The following PXYLP1 variants were observed in gnomAD, a reference collection of about 807,000 sequenced individuals.
PXYLP1 encodes the protein 2-phosphoxylose phosphatase 1.
A neutral mutation model predicts 37.9 loss-of-function variants in PXYLP1; 17 were observed. The observed-to-expected ratio is 0.45, with a 90% CI of 0.31 to 0.67. The LOEUF (loss-of-function observed/expected upper bound fraction) is 0.67. Among genes scored for constraint, PXYLP1 ranks in the 30% least tolerant of loss-of-function variants. The probability of loss-of-function intolerance (pLI) is 0.07; values close to 1 mark genes in which losing one functional copy is unlikely to be tolerated. For synonymous variants in PXYLP1, 221 were observed against 232.2 expected (o/e 0.95, Z 0.44); for missense variants, 511 against 612.0 (o/e 0.84, Z 1.74).
Position 141,278,486 on chromosome 3 carries a change from A to T in PXYLP1, c.224A>T (p.Glu75Val). The T allele has an allele frequency of 6.2e-7, 1 of 1,614,158 alleles. No homozygotes were observed. The highest frequency in any genetic ancestry group is 8.5e-7 in the Non-Finnish European group (1 of 1,180,012). ...TACTGCAACATCCCCAGCGTGGCCG[A>T]GCGCAGCATGGAAGGTAGGCCTGAC... ...LLYCNIPSVA[E>V]RSMEGHAPHH... Residue 75 changes from glutamate (E) to valine (V), a missense_variant, in exon 3 of 6, where the codon GAG (glutamate) becomes GTG (valine). Physicochemically the swap from Glu to Val is moderately radical, Grantham distance 121. Transcript: ENST00000286353.
chr3:141,262,176 G>T, intron 2 of PXYLP1: 1 of 613,358 alleles, frequency 1.6e-6, no homozygotes, highest in Non-Finnish European at 2.0e-6. Flanking sequence ...ATATTTCCAT[G>T]TACATGCATA....
chr3:141,253,299 A>G (rs1559883503), intron 1 of PXYLP1, among the ~76,000 whole-genome samples: 1 of 152,136 alleles, frequency 6.6e-6, no homozygotes, highest in African/African-American at 2.4e-5. Flanking sequence ...AGACCCAGAC[A>G]TGGCAGGGGC....
At position 141,248,756 on chromosome 3, in the gene PXYLP1, TATAC is replaced by T. The variant is rs1434165525; in HGVS notation, c.-53-11365_-53-11362del. Reference sequence around the variant, plus strand: ...ACGTGTATATATACACACGTATATATATACACACACGTGTATATATACACACGTA... The same window carrying T: ...ACGTGTATATATACACACGTATATATACACACGTGTATATATACACACGTA... On this transcript the variant is annotated intron_variant, in intron 1 of 5. Coordinates refer to ENST00000286353, the MANE Select transcript of PXYLP1 (RefSeq NM_001037172.3). 1.9e-3 allele frequency among the ~76,000 whole-genome samples: 86 copies of T among 46,392 alleles called. 10 individuals are homozygous for T. The South Asian group carries it at 0.033, about 18-fold the overall frequency. 30.4% of individuals were successfully genotyped at this position (46,392 alleles called of 152,430 possible).
At chr3:141,233,348 C>G (rs1481394004) in intron 1 of PXYLP1, among the ~76,000 whole-genome samples, 1 of 151,894 alleles carries the variant, frequency 6.6e-6, no homozygotes, top group Non-Finnish European at 1.5e-5. Flanking sequence ...ACCTGTAATC[C>G]CAGCTACTCA....
rs1033828864 is a variant in PXYLP1 at position 141,262,458 on chromosome 3, C to T, written c.79+2204C>T. 16 of 714,354 alleles carry T rather than the reference C, an allele frequency of 2.2e-5. No homozygotes were observed. In the African/African-American group the frequency reaches 2.8e-4, roughly 12 times the overall value. 44.3% of individuals were successfully genotyped at this position (714,354 alleles called of 1,614,324 possible). A position where few individuals can be genotyped will look rare whatever the true frequency, so the allele number is the denominator to read the frequency against. On this transcript the variant is annotated intron_variant, in intron 2 of 5. Coordinates refer to ENST00000286353, the MANE Select transcript of PXYLP1 (RefSeq NM_001037172.3). ...TTTTATTTTGAGAGGCTGACAGGTT[C>T]TGAGACATGAATGTGTGTTACTTGT...
At chr3:141,271,992 C>A (rs948844726) in intron 2 of PXYLP1, among the ~76,000 whole-genome samples, 1 of 152,164 alleles carries the variant, frequency 6.6e-6, no homozygotes, top group African/African-American at 2.4e-5. Context: ...TCATTGTGCT[C>A]CATTAAAGTC....
intron 5 of PXYLP1, among the ~76,000 whole-genome samples, chr3:141,289,276 C>CAAAAAAAA (rs112480371): frequency 0.14 from 20,917 of 151,142 alleles, 1,987 homozygotes; most frequent in African/African-American, 0.27. Context: ...GTTCTAGACA[C>CAAAAAAAA]AAAAACAGAA....
chr3:141,248,596 T>TATATATACACACAC (rs1941030956), intron 1 of PXYLP1, among the ~76,000 whole-genome samples: 2 of 37,252 alleles, frequency 5.4e-5, no homozygotes, highest in African/African-American at 4.0e-4. Flanking sequence ...TACACACACG[T>TATATATACACACAC]GTATATATAC....
intron 1 of PXYLP1, among the ~76,000 whole-genome samples, chr3:141,255,592 C>T (rs375103515): frequency 3.3e-5 from 5 of 152,238 alleles, no homozygotes; most frequent in Admixed American, 2.0e-4. Context: ...GTGGGGGTCC[C>T]GCTCTGGGCT....
At chr3:141,275,391 G>A (rs1413799529) in intron 2 of PXYLP1, among the ~76,000 whole-genome samples, 1 of 152,202 alleles carries the variant, frequency 6.6e-6, no homozygotes, top group Non-Finnish European at 1.5e-5. Flanking sequence ...GTCCTCACCT[G>A]TGCCCCTCCA....
In PXYLP1 at chr3:141,278,158, G is replaced by A. The variant is rs556250115; in HGVS notation, c.80-184G>A. 2.0e-5 allele frequency among the ~76,000 whole-genome samples: 3 copies of A among 152,310 alleles called. No individual in the cohort carries two copies. The East Asian group carries it at 5.8e-4, about 29-fold the overall frequency. ...AGAGGGTAGTGGCAGTGACGAAGGG[G>A]CAGGACACAGTGGGGCTCAGAAGCC... On this transcript the variant is annotated intron_variant, in intron 2 of 5. Transcript: ENST00000286353.
chr3:141,276,807 A>G (rs557201792), intron 2 of PXYLP1, among the ~76,000 whole-genome samples: 1 of 152,326 alleles, frequency 6.6e-6, no homozygotes, highest in African/African-American at 2.4e-5. Flanking sequence ...ACCCTTCCCA[A>G]TATTGAGTGT....
At chr3:141,249,492 CT>C (rs1941093131) in intron 1 of PXYLP1, among the ~76,000 whole-genome samples, 2 of 120,622 alleles carry the variant, frequency 1.7e-5, no homozygotes, top group Admixed American at 8.4e-5. Context: ...TTTTTTTTGC[CT>C]TTAAAAGTTT....
At chr3:141,263,973 C>T (rs1941452007) in intron 2 of PXYLP1, among the ~76,000 whole-genome samples, 1 of 151,584 alleles carries the variant, frequency 6.6e-6, no homozygotes, top group South Asian at 2.1e-4. Context: ...TATGTTACTT[C>T]AGCCACTTGG....
At chr3:141,251,720 G>A (rs1416262390) in intron 1 of PXYLP1, among the ~76,000 whole-genome samples, 1 of 152,132 alleles carries the variant, frequency 6.6e-6, no homozygotes, top group African/African-American at 2.4e-5. Context: ...TTTGCCCCTC[G>A]GACCTGCCCT....
At chr3:141,274,253 G>A (rs971742781) in intron 2 of PXYLP1, 21 of 1,261,908 alleles carry the variant, frequency 1.7e-5, no homozygotes, top group East Asian at 1.5e-4. Context: ...GGGCAGAGGC[G>A]GCCTGCAGCC....
chr3:141,246,137 G>A (rs1320210911), intron 1 of PXYLP1, among the ~76,000 whole-genome samples: 2 of 152,172 alleles, frequency 1.3e-5, no homozygotes, highest in Non-Finnish European at 2.9e-5. Flanking sequence ...TGGGGGGTAG[G>A]CTAGCAGTTA....
chr3:141,274,759 A>G (rs1941751541), intron 2 of PXYLP1: 4 of 662,504 alleles, frequency 6.0e-6, no homozygotes, highest in Non-Finnish European at 1.1e-5. Context: ...CTATGCTGTG[A>G]GCCATGACGG....
intron 1 of PXYLP1, among the ~76,000 whole-genome samples, chr3:141,255,653 C>G (rs1399115998): frequency 6.6e-6 from 1 of 152,204 alleles, no homozygotes; most frequent in Non-Finnish European, 1.5e-5. Flanking sequence ...CACCAGATGT[C>G]TTGAGGAGCT....
Sources: allele counts gnomAD v4.1 joint callset (sites outside exome capture counted in the v4.1 genomes callset), GRCh38; gene constraint gnomAD v4.1.1; transcripts MANE v1.5; gene names NCBI Gene and HGNC (gene_info 2026-07-23, HGNC 2026-07-21).